ARHGAP17: variants seen among roughly 807,000 people sequenced by gnomAD.
ARHGAP17 encodes Rho GTPase activating protein 17.
Under a neutral mutation model 99.5 loss-of-function variants are expected in ARHGAP17, and 57 were observed. That is an observed-to-expected ratio of 0.57 (90% CI 0.46 to 0.71). ARHGAP17 has a LOEUF of 0.71. ARHGAP17 is among the 30% of genes least tolerant of loss of function. ARHGAP17 has a pLI of 0.00. For synonymous variants in ARHGAP17, 417 were observed against 429.6 expected (o/e 0.97, Z 0.36); for missense variants, 1,000 against 1,122.4 (o/e 0.89, Z 1.56).
Position 24,977,205 on chromosome 16 carries a change from T to G in ARHGAP17, c.198+10A>C. ...AGGAACTGTGGGTCTGAGTCACATC[T>G]GATACTCACGTGTCTCCTCTCGGCA... On this transcript the variant is annotated intron_variant, in intron 3 of 19. Transcript: ENST00000289968. 1 of 1,566,946 alleles carries G rather than the reference T, an allele frequency of 6.4e-7. No homozygotes were observed. Among genetic ancestry groups the G allele is most frequent in the Non-Finnish European group, 8.7e-7 (1 of 1,147,548 alleles).
At chr16:25,000,816 G>A (rs563486265) in intron 1 of ARHGAP17, among the ~76,000 whole-genome samples, 1 of 152,138 alleles carries the variant, frequency 6.6e-6, no homozygotes, top group Non-Finnish European at 1.5e-5. Context: ...TCTCCATATA[G>A]TTGGACTACT....
intron 1 of ARHGAP17, among the ~76,000 whole-genome samples, chr16:25,008,111 A>T (rs569854152): frequency 3.9e-5 from 6 of 152,232 alleles, no homozygotes; most frequent in Non-Finnish European, 8.8e-5. Flanking sequence ...AAAATTTAAC[A>T]GACTCTCAAT....
chr16:24,962,307 A>G (rs948171689), intron 7 of ARHGAP17, among the ~76,000 whole-genome samples: 2 of 152,210 alleles, frequency 1.3e-5, no homozygotes, highest in Non-Finnish European at 2.9e-5. Flanking sequence ...AGGAGAAACA[A>G]GTACACATAT....
At chr16:24,990,639 A>G (rs2141425092) in intron 1 of ARHGAP17, among the ~76,000 whole-genome samples, 1 of 152,236 alleles carries the variant, frequency 6.6e-6, no homozygotes, top group East Asian at 1.9e-4. Flanking sequence ...CCTGGGCAAC[A>G]GAGTGAGACC....
chr16:24,920,321 A>C, intron 19 of ARHGAP17, 61 bp from the exon 20 acceptor site: 1 of 1,594,582 alleles, frequency 6.3e-7, no homozygotes, highest in East Asian at 2.3e-5. Context: ...AGGCCACCTG[A>C]GGGTGCTCTG....
chr16:24,924,340 A>G (rs1460688194), intron 19 of ARHGAP17, among the ~76,000 whole-genome samples: 1 of 152,156 alleles, frequency 6.6e-6, no homozygotes, highest in East Asian at 1.9e-4. Context: ...CTTTGAGCAT[A>G]CTGCTTGGAG....
chr16:25,001,816 GC>G, intron 1 of ARHGAP17, among the ~76,000 whole-genome samples: 3 of 152,174 alleles, frequency 2.0e-5, no homozygotes, highest in Admixed American at 6.5e-5. Flanking sequence ...AGGTGCAGTG[GC>G]TCATGCCTGC....
intron 1 of ARHGAP17, among the ~76,000 whole-genome samples, chr16:25,003,002 G>A (rs1394316293): frequency 8.2e-6 from 1 of 121,366 alleles, no homozygotes; most frequent in Non-Finnish European, 1.6e-5. Context: ...TTATGCCACT[G>A]CACTCCAGCC....
intron 1 of ARHGAP17, among the ~76,000 whole-genome samples, chr16:24,999,405 T>C (rs72782521): frequency 0.024 from 3,633 of 151,262 alleles, 79 homozygotes; most frequent in Non-Finnish European, 0.041. Flanking sequence ...GGTGTTTTAT[T>C]TATTTATTTA....
At chr16:24,951,409 G>T (rs994123131) in intron 12 of ARHGAP17, among the ~76,000 whole-genome samples, 1 of 152,156 alleles carries the variant, frequency 6.6e-6, no homozygotes, top group African/African-American at 2.4e-5. Context: ...ACAGTACTTA[G>T]CACAAGAAAA....
chr16:24,946,497 C>T (rs1015892731), intron 14 of ARHGAP17, among the ~76,000 whole-genome samples: 18 of 150,760 alleles, frequency 1.2e-4, no homozygotes, highest in Admixed American at 1.0e-3. Context: ...TTTACCTCTG[C>T]TGCCGTCATA....
At chr16:25,010,037 G>GT (rs1326107841) in intron 1 of ARHGAP17, among the ~76,000 whole-genome samples, 2 of 151,928 alleles carry the variant, frequency 1.3e-5, no homozygotes, top group Non-Finnish European at 2.9e-5. Flanking sequence ...CCACTACTCA[G>GT]TAACTGTGCA....
chr16:24,983,406 A>G (rs2141385517), intron 1 of ARHGAP17, among the ~76,000 whole-genome samples: 1 of 151,950 alleles, frequency 6.6e-6, no homozygotes, highest in South Asian at 2.1e-4. Context: ...GGTTCAAGCT[A>G]TCCTCCCACC....
chr16:25,010,775 C>T (rs140134673), intron 1 of ARHGAP17, among the ~76,000 whole-genome samples: 18 of 152,390 alleles, frequency 1.2e-4, no homozygotes, highest in African/African-American at 4.3e-4. Flanking sequence ...ATTACCACAG[C>T]AGCCCCTTTG....
intron 1 of ARHGAP17, among the ~76,000 whole-genome samples, chr16:24,999,085 T>C (rs1309095974): frequency 1.3e-5 from 2 of 152,196 alleles, no homozygotes; most frequent in East Asian, 1.9e-4. Context: ...CAACATCTCA[T>C]TGTCCCAAAC....
chr16:24,960,324 T>A (rs866552141), intron 7 of ARHGAP17, among the ~76,000 whole-genome samples: 1 of 152,126 alleles, frequency 6.6e-6, no homozygotes, highest in African/African-American at 2.4e-5. Context: ...ATGGGCAGAT[T>A]ACCTGAGGTC....
At chr16:24,985,633 A>G (rs2052843136) in intron 1 of ARHGAP17, among the ~76,000 whole-genome samples, 1 of 152,188 alleles carries the variant, frequency 6.6e-6, no homozygotes. Flanking sequence ...ACTGATTAGA[A>G]ATTTTAATCC....
chr16:24,979,900 AG>A (rs2052623121), intron 1 of ARHGAP17, among the ~76,000 whole-genome samples: 1 of 152,136 alleles, frequency 6.6e-6, no homozygotes, highest in Admixed American at 6.5e-5. Context: ...TAGAAGAGAC[AG>A]GGTTTTGCCA....
chr16:24,964,383 A>G, intron 6 of ARHGAP17, 75 bp from the exon 7 acceptor site: 18 of 979,128 alleles, frequency 1.8e-5, no homozygotes, highest in Non-Finnish European at 2.8e-5. Context: ...GACCTGGTGG[A>G]GATAGATCCT....
Sources: gnomAD v4.1 joint callset for allele counts (sites outside exome capture counted in the v4.1 genomes callset) on GRCh38, gnomAD v4.1.1 for gene constraint, MANE v1.5 for transcripts, NCBI Gene and HGNC (gene_info 2026-07-23, HGNC 2026-07-21) for gene names.